Variants in MED15 observed in about 807,000 individuals in gnomAD.
The protein encoded by MED15 is mediator complex subunit 15, also known as mediator of RNA polymerase II transcription subunit 15.
In MED15, 41 loss-of-function variants were observed where a neutral mutation model predicts 118.7. The ratio of observed to expected loss-of-function variants is 0.35; its 90% confidence interval spans 0.27 to 0.45. The LOEUF is 0.45. Ranked by LOEUF, MED15 falls within the 20% of genes least tolerant of loss-of-function variation. MED15 has a pLI of 1.00. For missense variants in MED15, 740 were observed against 1,025.5 expected (o/e 0.72, Z 3.80); for synonymous variants, 436 against 413.9 (o/e 1.05, Z -0.65).
chr22:20,586,951 C>A lies in MED15; in HGVS notation c.*247C>A. 8.7e-6 allele frequency: 5 copies of A among 576,036 alleles called. No homozygotes were observed. The highest frequency in any genetic ancestry group is 1.5e-5 in the Non-Finnish European group (5 of 327,862). 35.7% of individuals were successfully genotyped at this position (576,036 alleles called of 1,614,324 possible). On this transcript the variant is annotated 3_prime_UTR_variant, in exon 18 of 18. Coordinates refer to ENST00000263205, the MANE Select transcript of MED15 (RefSeq NM_001003891.3). Reference sequence around the variant, plus strand: ...GAGAAGGCCCTCCATGTGACTTCCTCCCAGGAGCCAGATGCGATCCTCAGG... The same window carrying A: ...GAGAAGGCCCTCCATGTGACTTCCTACCAGGAGCCAGATGCGATCCTCAGG...
intron 2 of MED15, among the ~76,000 whole-genome samples, chr22:20,541,710 C>T (rs909552752): frequency 1.3e-5 from 2 of 149,968 alleles, no homozygotes; most frequent in East Asian, 2.0e-4. Flanking sequence ...AGTGCAGTGG[C>T]GGGATCTCGG....
chr22:20,550,550 A>G (rs2055727090), intron 2 of MED15, among the ~76,000 whole-genome samples: 1 of 152,248 alleles, frequency 6.6e-6, no homozygotes, highest in African/African-American at 2.4e-5. Flanking sequence ...TGAGTGTCAC[A>G]GTGACTCAGG....
Position 20,586,578 on chromosome 22 carries a change from C to T in MED15, c.2241C>T (p.Pro747=). 8 of 1,612,786 alleles carry T rather than the reference C, an allele frequency of 5.0e-6. No individual in the cohort carries two copies. The highest frequency in any genetic ancestry group is 6.8e-6 in the Non-Finnish European group (8 of 1,179,862). ...ACTGCTCTGTTGCAGACGCCAACCCCTTCCTCCAGTCGGTGCACCGCTGCA... is the reference window on the plus strand; with the variant it reads ...ACTGCTCTGTTGCAGACGCCAACCCTTTCCTCCAGTCGGTGCACCGCTGCA... ...IDRQWQYDAN[P]FLQSVHRCMT... is the part of the protein sequence containing the mutation. The change falls in exon 18 of 18, where the codon CCC becomes CCT. Residue 747 remains proline, a synonymous_variant. Coordinates refer to ENST00000263205, the MANE Select transcript of MED15 (RefSeq NM_001003891.3).
intron 1 of MED15, among the ~76,000 whole-genome samples, chr22:20,527,585 G>A (rs916515102): frequency 6.6e-6 from 1 of 151,896 alleles, no homozygotes; most frequent in Non-Finnish European, 1.5e-5. Context: ...GGGACTGCAG[G>A]CATGCACCAC....
At chr22:20,572,846 G>T (rs1034227951) in intron 8 of MED15, among the ~76,000 whole-genome samples, 1 of 152,312 alleles carries the variant, frequency 6.6e-6, no homozygotes, top group African/African-American at 2.4e-5. Context: ...GATCGTGCAA[G>T]CCCAGGGGTT....
At chr22:20,563,352 C>T (rs183310751) in intron 5 of MED15, among the ~76,000 whole-genome samples, 60 of 152,262 alleles carry the variant, frequency 3.9e-4, no homozygotes, top group African/African-American at 1.4e-3. Flanking sequence ...CATGGAATAC[C>T]CTGGCAGTAC....
At chr22:20,568,665 T>C in intron 8 of MED15, 34 bp downstream of exon 8, 1 of 1,604,068 alleles carries the variant, frequency 6.2e-7, no homozygotes, top group Non-Finnish European at 8.5e-7. Flanking sequence ...TCCATAGTCA[T>C]CAGCAGGTGC....
chr22:20,583,711 G>A (rs780248869), intron 13 of MED15: 1 of 362,316 alleles, frequency 2.8e-6, no homozygotes, highest in Non-Finnish European at 5.2e-6. Flanking sequence ...AGATGGGCCT[G>A]AGCCTGACCT....
At chr22:20,561,723 G>GA (rs1017194747) in intron 5 of MED15, among the ~76,000 whole-genome samples, 26 of 152,232 alleles carry the variant, frequency 1.7e-4, no homozygotes, top group Admixed American at 1.2e-3. Context: ...AAAAATAAAA[G>GA]ATGAAGAAAG....
chr22:20,558,263 C>T (rs1039233151), intron 5 of MED15, among the ~76,000 whole-genome samples: 1 of 152,096 alleles, frequency 6.6e-6, no homozygotes, highest in African/African-American at 2.4e-5. Context: ...TTCCTGACAC[C>T]TTTCCCAAAG....
chr22:20,568,775 T>G, intron 8 of MED15, 144 bp downstream of exon 8: 1 of 1,369,130 alleles, frequency 7.3e-7, no homozygotes, highest in East Asian at 2.5e-5. Context: ...CCTTGCACTC[T>G]GCAAGACACC....
At chr22:20,542,650 T>C (rs1418740609) in intron 2 of MED15, among the ~76,000 whole-genome samples, 1 of 152,234 alleles carries the variant, frequency 6.6e-6, no homozygotes, top group Non-Finnish European at 1.5e-5. Context: ...TAGCACATGT[T>C]TGAGGCTGCG....
In MED15 at chr22:20,575,250, C is replaced by T; in HGVS notation, c.1272+18C>T. 6.2e-7 allele frequency: 1 copy of T among 1,611,850 alleles called. No homozygotes were observed. Among genetic ancestry groups the T allele is most frequent in the Admixed American group, 1.7e-5 (1 of 59,990 alleles). On this transcript the variant is annotated intron_variant, in intron 9 of 17. Transcript: ENST00000263205. ...TGGCACAGGTATTTACGGGGCAGCGCCCAGGGCACGGCTGGGAGCTCGGGG... is the reference window on the plus strand; with the variant it reads ...TGGCACAGGTATTTACGGGGCAGCGTCCAGGGCACGGCTGGGAGCTCGGGG...
intron 1 of MED15, among the ~76,000 whole-genome samples, chr22:20,532,571 G>A (rs2054901840): frequency 6.6e-6 from 1 of 152,194 alleles, no homozygotes; most frequent in South Asian, 2.1e-4. Flanking sequence ...GCAGAGCATT[G>A]GAGCCCAGTT....
chr22:20,532,941 T>C (rs1183552770), intron 1 of MED15, among the ~76,000 whole-genome samples: 4 of 152,156 alleles, frequency 2.6e-5, no homozygotes, highest in Non-Finnish European at 5.9e-5. Context: ...TGCTCCTTAC[T>C]CCATGTTGGG....
intron 2 of MED15, chr22:20,550,934 CA>C (rs1300708063): frequency 1.4e-5 from 5 of 352,310 alleles, no homozygotes; most frequent in Non-Finnish European, 2.3e-5. Flanking sequence ...AAAGCGCAGC[CA>C]GGGGAGGGCC....
chr22:20,550,273 G>A (rs139778724), intron 2 of MED15, among the ~76,000 whole-genome samples: 3 of 152,254 alleles, frequency 2.0e-5, no homozygotes, highest in African/African-American at 7.2e-5. Flanking sequence ...CCGGAAGCTG[G>A]GCGTGTTGAC....
intron 2 of MED15, among the ~76,000 whole-genome samples, chr22:20,546,503 TTTTTTTTG>T (rs963556592): frequency 5.6e-5 from 5 of 89,678 alleles, no homozygotes; most frequent in African/African-American, 1.7e-4. Flanking sequence ...TTACATGGAG[TTTTTTTTG>T]TTTTTTTTTT....
At chr22:20,514,339 A>G (rs1333506263) in intron 1 of MED15, among the ~76,000 whole-genome samples, 3 of 152,198 alleles carry the variant, frequency 2.0e-5, no homozygotes, top group African/African-American at 7.2e-5. Flanking sequence ...TGCATCTGCA[A>G]TGACTAGTGC....
Sources: allele counts gnomAD v4.1 joint callset (sites outside exome capture counted in the v4.1 genomes callset), GRCh38; gene constraint gnomAD v4.1.1; transcripts MANE v1.5; gene names NCBI Gene and HGNC (gene_info 2026-07-23, HGNC 2026-07-21).